Variants in CIRSR observed in about 807,000 individuals in gnomAD.
The protein encoded by CIRSR is corepressor of RBPJ and splicing regulator.
chr2:174,357,690 T>C, the CIRSR span, among the ~76,000 whole-genome samples: 97,733 of 152,012 alleles, frequency 0.64, 32,221 homozygotes, highest in East Asian at 0.8. Flanking sequence ...ATGTGTCTAA[T>C]GGGACTTATC....
At chr2:174,360,838 T>C in the CIRSR span, among the ~76,000 whole-genome samples, 5 of 152,210 alleles carry the variant, frequency 3.3e-5, no homozygotes, top group Admixed American at 3.3e-4. Flanking sequence ...TAATTTGAAA[T>C]GACTTAACCA....
the CIRSR span, among the ~76,000 whole-genome samples, chr2:174,386,184 T>G: frequency 2.0e-5 from 3 of 152,272 alleles, no homozygotes; most frequent in South Asian, 6.2e-4. Context: ...AGGTTTTTGT[T>G]GTTGTTGTTT....
the CIRSR span, among the ~76,000 whole-genome samples, chr2:174,389,300 G>A: frequency 6.6e-6 from 1 of 152,176 alleles, no homozygotes; most frequent in African/African-American, 2.4e-5. Flanking sequence ...TAACCAAAAT[G>A]CTGATAGTAA....
the CIRSR span, among the ~76,000 whole-genome samples, chr2:174,353,762 G>C: frequency 1.3e-5 from 2 of 152,112 alleles, no homozygotes; most frequent in Admixed American, 1.3e-4. Flanking sequence ...CACCGCGCCC[G>C]GCTCAATTAA....
the CIRSR span, among the ~76,000 whole-genome samples, chr2:174,389,385 T>C: frequency 6.6e-6 from 1 of 152,186 alleles, no homozygotes; most frequent in Admixed American, 6.5e-5. Flanking sequence ...AGTAAAAGTC[T>C]CTCTTGCTAG....
the CIRSR span, among the ~76,000 whole-genome samples, chr2:174,349,974 G>A: frequency 6.6e-6 from 1 of 152,118 alleles, no homozygotes; most frequent in African/African-American, 2.4e-5. Context: ...TTAAACTTCT[G>A]AAATATTGGT....
chr2:174,358,139 A>G, the CIRSR span: 1 of 152,268 alleles, frequency 6.6e-6, no homozygotes, highest in African/African-American at 2.4e-5. Flanking sequence ...TGGAAAGTAC[A>G]CAAAGGCAAA....
chr2:174,349,093 T>A, the CIRSR span: 1 of 1,541,830 alleles, frequency 6.5e-7, no homozygotes, highest in Non-Finnish European at 8.7e-7. Context: ...TTATGTTTTT[T>A]GTGTTTACTT....
the CIRSR span, among the ~76,000 whole-genome samples, chr2:174,368,808 A>G: frequency 1.3e-5 from 2 of 152,226 alleles, no homozygotes; most frequent in Non-Finnish European, 2.9e-5. Context: ...TTTTCTCCTG[A>G]GCAGCAATTC....
the CIRSR span, among the ~76,000 whole-genome samples, chr2:174,383,719 CAAAAAAAA>C: frequency 1.2e-5 from 1 of 83,160 alleles, no homozygotes; most frequent in East Asian, 3.4e-4. Context: ...GACTCCGTCT[CAAAAAAAA>C]AAAAAAAAAA....
At chr2:174,349,348 C>T in the CIRSR span, among the ~76,000 whole-genome samples, 7 of 151,924 alleles carry the variant, frequency 4.6e-5, no homozygotes, top group Non-Finnish European at 1.0e-4. Context: ...GGGCGGATCA[C>T]AAGGTCAGGA....
chr2:174,375,204 G>A, the CIRSR span, among the ~76,000 whole-genome samples: 2 of 151,940 alleles, frequency 1.3e-5, no homozygotes, highest in Non-Finnish European at 2.9e-5. Context: ...AATTACTGGA[G>A]GGCAAATTTC....
the CIRSR span, among the ~76,000 whole-genome samples, chr2:174,388,491 G>C: frequency 9.9e-5 from 15 of 152,178 alleles, no homozygotes; most frequent in African/African-American, 3.6e-4. Flanking sequence ...GTAAGCCACT[G>C]TGCCCAGTCC....
chr2:174,370,730 C>T, the CIRSR span, among the ~76,000 whole-genome samples: 2 of 151,886 alleles, frequency 1.3e-5, no homozygotes, highest in African/African-American at 2.4e-5. Context: ...CTGGCTAACA[C>T]GGTGAAACCC....
the CIRSR span, among the ~76,000 whole-genome samples, chr2:174,392,796 C>T: frequency 1.3e-5 from 2 of 152,228 alleles, no homozygotes; most frequent in East Asian, 3.9e-4. Context: ...ACTTTTATAT[C>T]AGATATGTTG....
At chr2:174,361,924 T>A in the CIRSR span, among the ~76,000 whole-genome samples, 1 of 152,212 alleles carries the variant, frequency 6.6e-6, no homozygotes, top group Non-Finnish European at 1.5e-5. Context: ...TGAAATTTAC[T>A]TTTATTCAAA....
the CIRSR span, among the ~76,000 whole-genome samples, chr2:174,382,401 G>C: frequency 6.6e-6 from 1 of 152,134 alleles, no homozygotes; most frequent in Non-Finnish European, 1.5e-5. Flanking sequence ...CACGCTGGGA[G>C]GCCAAAGCAA....
the CIRSR span, among the ~76,000 whole-genome samples, chr2:174,376,813 A>G: frequency 6.7e-6 from 1 of 148,650 alleles, no homozygotes; most frequent in Non-Finnish European, 1.5e-5. Flanking sequence ...AAAAAAAAAA[A>G]AAAAAAAGAA....
the CIRSR span, among the ~76,000 whole-genome samples, chr2:174,389,645 C>T: frequency 5.3e-3 from 801 of 152,236 alleles, 10 homozygotes; most frequent in African/African-American, 0.018. Context: ...TGTTAATCAC[C>T]AAGACAAGGG....
Sources: allele counts gnomAD v4.1 joint callset (sites outside exome capture counted in the v4.1 genomes callset), GRCh38; gene constraint gnomAD v4.1.1; transcripts MANE v1.5; gene names NCBI Gene and HGNC (gene_info 2026-07-23, HGNC 2026-07-21).